Variants in MACROD2 observed in about 807,000 individuals in gnomAD.
MACROD2 encodes the protein ADP-ribose glycohydrolase MACROD2.
In MACROD2, 36 loss-of-function variants were observed where a neutral mutation model predicts 70.4. The observed-to-expected ratio is 0.51, with a 90% CI of 0.39 to 0.68. The LOEUF is 0.68. MACROD2 is among the 30% of genes least tolerant of loss of function. The probability of loss-of-function intolerance (pLI) is 0.00; values close to 1 mark genes in which losing one functional copy is unlikely to be tolerated. For synonymous variants in MACROD2, 172 were observed against 178.8 expected, an observed-to-expected ratio of 0.96 and a Z score of 0.30; for missense variants, 496 against 538.4, an observed-to-expected ratio of 0.92 and a Z score of 0.78.
intron 5 of MACROD2, among the ~76,000 whole-genome samples, chr20:15,022,665 C>T (rs967411240): frequency 1.2e-4 from 19 of 152,246 alleles, no homozygotes; most frequent in Admixed American, 5.2e-4. Flanking sequence ...TCCACAATGA[C>T]GAGTAAGCAG....
rs558797697 is a variant in MACROD2, at chr20:15,979,964, A to G, written c.986-6763A>G. Among the ~76,000 whole-genome samples the G allele has an allele frequency of 2.0e-5, 3 of 152,298 alleles. No individual in the cohort carries two copies. The South Asian group carries it at 6.2e-4, about 32-fold the overall frequency. On this transcript the variant is annotated intron_variant, in intron 13 of 17. Coordinates refer to ENST00000684519, the MANE Select transcript of MACROD2 (RefSeq NM_001351661.2). Reference sequence around the variant, plus strand: ...GGAGCATCGACAAGCTACTGCCTTAAAATCCGAGCTCCCCGAATGCACAAT... The same window carrying G: ...GGAGCATCGACAAGCTACTGCCTTAGAATCCGAGCTCCCCGAATGCACAAT...
chr20:15,863,532 A>G (rs148793591), intron 9 of MACROD2, among the ~76,000 whole-genome samples: 2 of 152,350 alleles, frequency 1.3e-5, no homozygotes, highest in East Asian at 3.9e-4. Context: ...TTATGGTGCC[A>G]TTAAAGTCAC....
chr20:15,404,489 G>T (rs2146313617), intron 6 of MACROD2, among the ~76,000 whole-genome samples: 1 of 152,322 alleles, frequency 6.6e-6, no homozygotes, highest in South Asian at 2.1e-4. Flanking sequence ...AATTACGGTA[G>T]GACCACACAT....
chr20:15,416,775 C>T (rs2046157663), intron 6 of MACROD2, among the ~76,000 whole-genome samples: 1 of 149,114 alleles, frequency 6.7e-6, no homozygotes, highest in Admixed American at 6.7e-5. Context: ...GGTGGGGGGG[C>T]GCCGGTAGTC....
intron 4 of MACROD2, among the ~76,000 whole-genome samples, chr20:14,635,656 C>A (rs1692205774): frequency 6.6e-6 from 1 of 152,194 alleles, no homozygotes; most frequent in Non-Finnish European, 1.5e-5. Context: ...GACCTTATTT[C>A]CATATTTCAG....
intron 7 of MACROD2, among the ~76,000 whole-genome samples, chr20:15,473,280 A>G (rs1426816656): frequency 6.6e-6 from 1 of 152,218 alleles, no homozygotes; most frequent in East Asian, 1.9e-4. Flanking sequence ...TGAGTGAAAC[A>G]CTTTCTCTAG....
chr20:14,230,712 A>G lies in MACROD2; in HGVS notation c.271+144984A>G, dbSNP rs148430845. Among the ~76,000 whole-genome samples, 764 of 120,364 alleles carry G rather than the reference A, an allele frequency of 6.3e-3. 26 individuals are homozygous for G. Among genetic ancestry groups the G allele is most frequent in the East Asian group, 0.037 (133 of 3,554 alleles). 79.0% of individuals were successfully genotyped at this position (120,364 alleles called of 152,430 possible). A position where few individuals can be genotyped will look rare whatever the true frequency, so the allele number is the denominator to read the frequency against. ...ATATATATATATATGGGCCCAGCCT[A>G]TGTTATAATTTGACCTCCTTTTACA... On this transcript the variant is annotated intron_variant, in intron 3 of 17. Coordinates refer to ENST00000684519, the MANE Select transcript of MACROD2 (RefSeq NM_001351661.2).
chr20:15,152,201 G>A lies in MACROD2; in HGVS notation c.419-77739G>A, dbSNP rs147461229. Among the ~76,000 whole-genome samples the A allele has an allele frequency of 7.4e-3, 1,126 of 152,094 alleles. 27 individuals carry two copies. The highest frequency in any genetic ancestry group is 0.025 in the African/African-American group (1,056 of 41,420). ...TGTCAAGTTTGTATTGGGGTCAAGC[G>A]GCATTGCAGGAGAAAATAAGATGCT... On this transcript the variant is annotated intron_variant, in intron 5 of 17. Coordinates refer to ENST00000684519, the MANE Select transcript of MACROD2 (RefSeq NM_001351661.2).
At chr20:14,567,104 T>G (rs1264970667) in intron 4 of MACROD2, among the ~76,000 whole-genome samples, 8 of 151,940 alleles carry the variant, frequency 5.3e-5, no homozygotes. Context: ...ACTACAGGTG[T>G]GTGCCACCAC....
At chr20:14,385,009 A>C (rs1371411061) in intron 3 of MACROD2, among the ~76,000 whole-genome samples, 1 of 152,134 alleles carries the variant, frequency 6.6e-6, no homozygotes, top group African/African-American at 2.4e-5. Context: ...TGCTCTGTTC[A>C]AAGGTGCCAA....
Position 13,995,867 on chromosome 20 carries a change from G to T in MACROD2, c.46+58G>T, listed in dbSNP as rs1219278371. On this transcript the variant is annotated intron_variant, in intron 1 of 17. Coordinates refer to ENST00000684519, the MANE Select transcript of MACROD2 (RefSeq NM_001351661.2). The surrounding 1 kb of genome is among the most constrained non-coding windows in gnomAD (Gnocchi z 4.3). The stretch of plus-strand genomic sequence containing the variant: ...CGGTGGGGGTTAGGGTGGGGGCGGG[G>T]GTCAGGCTGTGTGTGCCGCGGCGCC... The T allele has an allele frequency of 8.8e-6, 13 of 1,476,370 alleles. No individual in the cohort carries two copies. The highest frequency in any genetic ancestry group is 2.5e-5 in the East Asian group (1 of 40,492). The allele number at this position is 1,476,370 out of a possible 1,614,324, so 91.5% of individuals were successfully genotyped here. A position where few individuals can be genotyped will look rare whatever the true frequency, so the allele number is the denominator to read the frequency against.
chr20:14,505,645 G>A (rs2084960725), intron 4 of MACROD2, among the ~76,000 whole-genome samples: 1 of 152,134 alleles, frequency 6.6e-6, no homozygotes, highest in African/African-American at 2.4e-5. Context: ...AGATTACTGG[G>A]CCTTATGCCC....
intron 5 of MACROD2, among the ~76,000 whole-genome samples, chr20:15,228,593 G>A (rs1044256982): frequency 1.3e-4 from 20 of 149,086 alleles, no homozygotes; most frequent in African/African-American, 4.7e-4. Flanking sequence ...TGGTTCAAGC[G>A]ATTCTCCTGC....
intron 8 of MACROD2, among the ~76,000 whole-genome samples, chr20:15,631,682 A>G (rs2049293105): frequency 6.6e-6 from 1 of 152,158 alleles, no homozygotes; most frequent in Non-Finnish European, 1.5e-5. Context: ...CTCTGCTGAC[A>G]AAAAGCACCA....
rs562284496 is a variant in MACROD2 at position 16,018,441 on chromosome 20, C to T, written c.1154-22760C>T. On this transcript the variant is annotated intron_variant, in intron 15 of 17. Transcript: ENST00000684519. ...AGTAGCTGTTTCAATGTTCCCCATT[C>T]TCTCTCTCTCTTTTTTGCTTTTCTT... Among the ~76,000 whole-genome samples, 4 of 151,970 alleles carry T rather than the reference C, an allele frequency of 2.6e-5. No homozygotes were observed. The South Asian group carries it at 8.3e-4, about 32-fold the overall frequency.
At chr20:15,904,880 CAAA>C (rs10556594) in intron 10 of MACROD2, among the ~76,000 whole-genome samples, 3 of 129,030 alleles carry the variant, frequency 2.3e-5, no homozygotes, top group African/African-American at 6.1e-5. Context: ...GACTCTGTCT[CAAA>C]AAAAAAAAAA....
Position 14,817,959 on chromosome 20 carries a change from C to A in MACROD2, c.418+133000C>A. 1.3e-5 allele frequency among the ~76,000 whole-genome samples: 2 copies of A among 152,060 alleles called. 1 individual carries two copies. The highest frequency in any genetic ancestry group is 2.9e-5 in the Non-Finnish European group (2 of 68,008). ...ACTAGCAGTTGGATGCCAGTTGGGG[C>A]ACACTGAAGCAGTAACAGCTAAGTG... On this transcript the variant is annotated intron_variant, in intron 5 of 17. Coordinates refer to ENST00000684519, the MANE Select transcript of MACROD2 (RefSeq NM_001351661.2).
chr20:14,916,537 T>A (rs2074094085), intron 5 of MACROD2, among the ~76,000 whole-genome samples: 2 of 152,146 alleles, frequency 1.3e-5, no homozygotes, highest in African/African-American at 4.8e-5. Flanking sequence ...GTTGGAAACA[T>A]ATAAAACAAG....
chr20:15,436,895 T>C (rs1470574321), intron 7 of MACROD2, among the ~76,000 whole-genome samples: 1 of 152,176 alleles, frequency 6.6e-6, no homozygotes, highest in African/African-American at 2.4e-5. Context: ...TCTTTCTTGT[T>C]CCATATTCCA....
Sources: allele counts gnomAD v4.1 joint callset (sites outside exome capture counted in the v4.1 genomes callset), GRCh38; gene constraint gnomAD v4.1.1; non-coding constraint Gnocchi (gnomAD v3.1); transcripts MANE v1.5; gene names NCBI Gene and HGNC (gene_info 2026-07-23, HGNC 2026-07-21).